SH3GL3: variants seen among roughly 807,000 people sequenced by gnomAD.
The protein encoded by SH3GL3 is endophilin-A3.
Under a neutral mutation model 47.7 loss-of-function variants are expected in SH3GL3, and 33 were observed. The ratio of observed to expected loss-of-function variants is 0.69; its 90% CI spans 0.52 to 0.92. SH3GL3 has a LOEUF of 0.92. Ranked by LOEUF, SH3GL3 falls within the 40% of genes least tolerant of loss-of-function variation. SH3GL3 has a pLI of 0.00. For missense variants in SH3GL3, 363 were observed against 417.8 expected (o/e 0.87, Z 1.14); for synonymous variants, 155 against 148.8 (o/e 1.04, Z -0.30).
intron 1 of SH3GL3, among the ~76,000 whole-genome samples, chr15:83,515,293 G>A (rs2042934913): frequency 6.6e-6 from 1 of 152,130 alleles, no homozygotes; most frequent in Non-Finnish European, 1.5e-5. Flanking sequence ...TTGTCCTCTG[G>A]CTCAAATCAG....
chr15:83,597,650 C>T (rs1293820875), intron 8 of SH3GL3, among the ~76,000 whole-genome samples: 1 of 151,498 alleles, frequency 6.6e-6, no homozygotes, highest in Non-Finnish European at 1.5e-5. Flanking sequence ...GCTCTTGTCA[C>T]CCAGGCTGGA....
At chr15:83,543,647 A>G (rs1427628681) in intron 1 of SH3GL3, among the ~76,000 whole-genome samples, 1 of 151,846 alleles carries the variant, frequency 6.6e-6, no homozygotes, top group Non-Finnish European at 1.5e-5. Flanking sequence ...GTTTTGCCAG[A>G]AGACTTTGTA....
intron 1 of SH3GL3, among the ~76,000 whole-genome samples, chr15:83,485,197 A>G (rs1195571644): frequency 1.3e-5 from 2 of 152,200 alleles, no homozygotes; most frequent in Non-Finnish European, 2.9e-5. Flanking sequence ...TCTGTTTTCA[A>G]CTGAGGAAAG....
At position 83,461,240 on chromosome 15, in the gene SH3GL3, C is replaced by T. The variant is rs529579989; in HGVS notation, c.45+13662C>T. 1.1e-4 allele frequency among the ~76,000 whole-genome samples: 16 copies of T among 152,256 alleles called. No individual in the cohort carries two copies. In the East Asian group the frequency reaches 1.2e-3, roughly 11 times the overall value. On this transcript the variant is annotated intron_variant, in intron 1 of 8. Coordinates refer to ENST00000427482, the MANE Select transcript of SH3GL3 (RefSeq NM_003027.5). The stretch of plus-strand genomic sequence containing the variant: ...TCATAAAGTCATCTGCAGTCAGATT[C>T]ATGGAAAAGACTCTAATAAGTAGCC...
intron 1 of SH3GL3, among the ~76,000 whole-genome samples, chr15:83,501,998 A>G (rs1263812526): frequency 1.3e-5 from 2 of 152,254 alleles, no homozygotes; most frequent in African/African-American, 4.8e-5. Flanking sequence ...TTTATAAATA[A>G]TGTTAATTGC....
the SH3GL3 span, among the ~76,000 whole-genome samples, chr15:83,625,469 A>T: frequency 6.6e-6 from 1 of 152,204 alleles, no homozygotes; most frequent in South Asian, 2.1e-4. Context: ...CCCACTGGCC[A>T]CAGCTAATTG....
chr15:83,455,987 G>A lies in SH3GL3; in HGVS notation c.45+8409G>A, dbSNP rs1158107185. 8.9e-4 allele frequency among the ~76,000 whole-genome samples: 45 copies of A among 50,350 alleles called. 7 individuals are homozygous for A. The highest frequency in any genetic ancestry group is 1.4e-3 in the Non-Finnish European group (35 of 24,968). 33.0% of individuals were successfully genotyped at this position (50,350 alleles called of 152,430 possible). A position where few individuals can be genotyped will look rare whatever the true frequency, so the allele number is the denominator to read the frequency against. ...GATGGTGATGTACAGATGGGTTTTC[G>A]GTGTAGATGTCCTTTCTGGTTGTTA... On this transcript the variant is annotated intron_variant, in intron 1 of 8. Coordinates refer to ENST00000427482, the MANE Select transcript of SH3GL3 (RefSeq NM_003027.5).
intron 8 of SH3GL3, among the ~76,000 whole-genome samples, chr15:83,614,582 C>A (rs2060763364): frequency 6.6e-6 from 1 of 152,150 alleles, no homozygotes; most frequent in Non-Finnish European, 1.5e-5. Flanking sequence ...CTACCCTGGA[C>A]ATAGGAAGGA....
At chr15:83,574,107 C>T (rs541798823) in intron 5 of SH3GL3, among the ~76,000 whole-genome samples, 3 of 151,912 alleles carry the variant, frequency 2.0e-5, no homozygotes, top group African/African-American at 7.2e-5. Flanking sequence ...TCGGGGACCT[C>T]GGTTGTGTGA....
chr15:83,608,772 G>T (rs1202535493), intron 8 of SH3GL3, among the ~76,000 whole-genome samples: 1 of 149,040 alleles, frequency 6.7e-6, no homozygotes, highest in South Asian at 2.2e-4. Context: ...CATGGTAGGA[G>T]ATGAACTGTC....
rs1156602663 is a variant in SH3GL3 at position 83,572,438 on chromosome 15, A to C, written c.332-127A>C. The stretch of plus-strand genomic sequence containing the variant: ...TTTTTCATTCTGATCCAGGATTCAG[A>C]GGTCCCGGAGCAAGGACCTTGCTAC... On this transcript the variant is annotated intron_variant, in intron 4 of 8. Transcript: ENST00000427482. 1.1e-5 allele frequency: 8 copies of C among 698,190 alleles called. No individual in the cohort carries two copies. The Admixed American group carries it at 2.2e-4, about 20-fold the overall frequency. 43.2% of individuals were successfully genotyped at this position (698,190 alleles called of 1,614,324 possible).
chr15:83,579,829 A>G (rs2059786618), intron 6 of SH3GL3, among the ~76,000 whole-genome samples: 1 of 152,134 alleles, frequency 6.6e-6, no homozygotes, highest in African/African-American at 2.4e-5. Flanking sequence ...ATCAGAGGGA[A>G]TCACCTGATC....
chr15:83,573,892 A>G (rs2059599668), intron 5 of SH3GL3, among the ~76,000 whole-genome samples: 1 of 152,226 alleles, frequency 6.6e-6, no homozygotes, highest in Non-Finnish European at 1.5e-5. Flanking sequence ...GGGTAGAGAG[A>G]CAAGTAAACA....
intron 1 of SH3GL3, among the ~76,000 whole-genome samples, chr15:83,468,023 G>A (rs565375146): frequency 3.9e-5 from 6 of 152,186 alleles, no homozygotes; most frequent in African/African-American, 1.4e-4. Flanking sequence ...GTAGAGACAG[G>A]GTTTCACCAT....
intron 1 of SH3GL3, among the ~76,000 whole-genome samples, chr15:83,532,100 G>C (rs1273375306): frequency 6.6e-6 from 1 of 152,192 alleles, no homozygotes; most frequent in Non-Finnish European, 1.5e-5. Flanking sequence ...TTAGTTTCCA[G>C]ACTATCAACT....
At chr15:83,520,185 G>C (rs1180408509) in intron 1 of SH3GL3, among the ~76,000 whole-genome samples, 1 of 152,128 alleles carries the variant, frequency 6.6e-6, no homozygotes, top group African/African-American at 2.4e-5. Flanking sequence ...TTTATAATGG[G>C]CTGTAAGCTT....
At chr15:83,599,178 CCTTT>C (rs960929813) in intron 8 of SH3GL3, among the ~76,000 whole-genome samples, 1 of 152,062 alleles carries the variant, frequency 6.6e-6, no homozygotes, top group African/African-American at 2.4e-5. Context: ...CTCCCCCTTT[CCTTT>C]CTTTATTTTT....
the SH3GL3 span, among the ~76,000 whole-genome samples, chr15:83,629,966 T>A: frequency 6.6e-6 from 1 of 152,224 alleles, no homozygotes; most frequent in Non-Finnish European, 1.5e-5. Context: ...AATTTCCATA[T>A]GTCATGGGAG....
chr15:83,589,909 C>T (rs566292791), intron 8 of SH3GL3, among the ~76,000 whole-genome samples: 268 of 152,264 alleles, frequency 1.8e-3, no homozygotes, highest in African/African-American at 6.2e-3. Flanking sequence ...GGCTACATTA[C>T]TATTAAAGCA....
Sources: allele counts gnomAD v4.1 joint callset (sites outside exome capture counted in the v4.1 genomes callset), GRCh38; gene constraint gnomAD v4.1.1; transcripts MANE v1.5; gene names NCBI Gene and HGNC (gene_info 2026-07-23, HGNC 2026-07-21).